ADAMTSL1: variants seen among roughly 807,000 people sequenced by gnomAD.
ADAMTSL1 encodes the protein ADAMTS-like protein 1.
In ADAMTSL1, 126 loss-of-function variants were observed where a neutral mutation model predicts 201.8. That is an observed-to-expected ratio of 0.62 (90% CI 0.54 to 0.72). The LOEUF is 0.72. Among genes scored for constraint, ADAMTSL1 ranks in the 30% least tolerant of loss-of-function variants. The pLI is 0.00. For missense variants in ADAMTSL1, 2,679 were observed against 2,277.8 expected (o/e 1.18, Z -3.59); for synonymous variants, 1,121 against 903.4 (o/e 1.24, Z -4.32).
chr9:18,071,026 A>T (rs746858418), intron 1 of ADAMTSL1, among the ~76,000 whole-genome samples: 3 of 152,192 alleles, frequency 2.0e-5, no homozygotes, highest in Non-Finnish European at 2.9e-5. Context: ...AAAGCAAGAA[A>T]AAACAGGGAG....
At chr9:18,586,707 T>G (rs1209254082) in intron 4 of ADAMTSL1, among the ~76,000 whole-genome samples, 1 of 152,160 alleles carries the variant, frequency 6.6e-6, no homozygotes, top group Non-Finnish European at 1.5e-5. Context: ...AGTACAGGAC[T>G]ACAGTGACCA....
intron 10 of ADAMTSL1, among the ~76,000 whole-genome samples, chr9:18,676,928 T>A (rs1367949078): frequency 6.6e-6 from 1 of 152,086 alleles, no homozygotes; most frequent in Non-Finnish European, 1.5e-5. Flanking sequence ...CATTGATGCT[T>A]CATTCTCCCA....
At position 18,023,413 on chromosome 9, in the gene ADAMTSL1, T is replaced by G. The variant is rs867609901; in HGVS notation, c.87+116491T>G. ...GTGGCAATTTATTTGTTAATGTTTT[T>G]TATTTGTGGAAAAGCTAAAGAAAAA... On this transcript the variant is annotated intron_variant, in intron 1 of 29. Coordinates refer to the ADAMTSL1 transcript ENST00000680146. Among the ~76,000 whole-genome samples, 8 of 152,298 alleles carry G rather than the reference T, an allele frequency of 5.3e-5. 1 individual carries two copies. The South Asian group carries it at 1.7e-3, about 32-fold the overall frequency.
At chr9:18,741,329 G>T (rs1399032336) in intron 15 of ADAMTSL1, among the ~76,000 whole-genome samples, 1 of 151,894 alleles carries the variant, frequency 6.6e-6, no homozygotes, top group Non-Finnish European at 1.5e-5. Context: ...GAATAGATGG[G>T]TAGAATTAAA....
chr9:18,387,928 T>A (rs1837871084), intron 2 of ADAMTSL1, among the ~76,000 whole-genome samples: 1 of 151,904 alleles, frequency 6.6e-6, no homozygotes, highest in African/African-American at 2.4e-5. Flanking sequence ...AAATTTTGCC[T>A]TCTGTATTTT....
Position 18,777,010 on chromosome 9 carries a change from C to G in ADAMTSL1, c.2781C>G (p.Ala927=), listed in dbSNP as rs1419604061. Residue 927 remains alanine (A), a synonymous_variant, in exon 19 of 29, where the codon GCC becomes GCG. Coordinates refer to ENST00000380548, the MANE Select transcript of ADAMTSL1 (RefSeq NM_001040272.6). ...TCAGCTCGACGCACGTCACGGTGGC[C>G]CCCTTCGGCTATCTCAAGATCCACC... is the stretch of plus-strand genomic sequence containing the variant. ...HLISSTHVTV[A]PFGYLKIHRL... 2 of 1,605,108 alleles carry G rather than the reference C, an allele frequency of 1.2e-6. No homozygotes were observed. Among genetic ancestry groups the G allele is most frequent in the Admixed American group, 3.4e-5 (2 of 59,430 alleles).
chr9:17,980,312 C>A (rs1332269840), intron 1 of ADAMTSL1, among the ~76,000 whole-genome samples: 1 of 152,108 alleles, frequency 6.6e-6, no homozygotes, highest in Non-Finnish European at 1.5e-5. Flanking sequence ...ATCTTGCTGA[C>A]ATTACCCCCC....
rs576727653 is a variant in ADAMTSL1, at chr9:18,552,543, T to C, written c.237+19251T>C. ...TTTCCTGCTCTGGAGTGTAAATTTC[T>C]ATATGAGTATATCAAATGTTTTGAA... On this transcript the variant is annotated intron_variant, in intron 3 of 28. Transcript: ENST00000380548. Among the ~76,000 whole-genome samples the C allele has an allele frequency of 7.9e-5, 12 of 151,952 alleles. No individual in the cohort carries two copies. The South Asian group carries it at 8.3e-4, about 10-fold the overall frequency.
At chr9:18,595,412 GC>G (rs201581990) in intron 4 of ADAMTSL1, among the ~76,000 whole-genome samples, 2 of 152,254 alleles carry the variant, frequency 1.3e-5, no homozygotes, top group East Asian at 3.9e-4. Context: ...CTGAGACTGG[GC>G]CCCCTTGAGA....
chr9:18,906,057 C>G (rs973011541), intron 27 of ADAMTSL1, among the ~76,000 whole-genome samples, 166 bp downstream of exon 27: 1 of 152,220 alleles, frequency 6.6e-6, no homozygotes, highest in Non-Finnish European at 1.5e-5. Context: ...AGGCAGATGA[C>G]TCAGTGTCGG....
intron 2 of ADAMTSL1, among the ~76,000 whole-genome samples, chr9:18,276,693 G>A (rs565555288): frequency 1.3e-5 from 2 of 152,208 alleles, no homozygotes; most frequent in Admixed American, 6.5e-5. Flanking sequence ...AGGAGGTGGT[G>A]TATATCACAT....
At chr9:18,483,695 C>T (rs1366148852) in intron 1 of ADAMTSL1, among the ~76,000 whole-genome samples, 2 of 152,036 alleles carry the variant, frequency 1.3e-5, no homozygotes, top group African/African-American at 4.8e-5. Flanking sequence ...GGCATGGTGG[C>T]GGGTGCCTGT....
intron 2 of ADAMTSL1, among the ~76,000 whole-genome samples, chr9:18,207,763 G>T (rs1024268882): frequency 1.3e-5 from 2 of 151,804 alleles, no homozygotes; most frequent in Admixed American, 1.3e-4. Flanking sequence ...TTATGTATTT[G>T]TATAAGCGGG....
intron 1 of ADAMTSL1, among the ~76,000 whole-genome samples, chr9:18,027,944 G>A (rs757437636): frequency 2.6e-5 from 4 of 152,038 alleles, no homozygotes; most frequent in Non-Finnish European, 5.9e-5. Context: ...TTGTTGAATT[G>A]AACCATTTAT....
At chr9:18,045,965 C>A (rs1389410699) in intron 1 of ADAMTSL1, among the ~76,000 whole-genome samples, 1 of 152,034 alleles carries the variant, frequency 6.6e-6, no homozygotes, top group Non-Finnish European at 1.5e-5. Context: ...TTGAAGAAGC[C>A]GTTTGTAATT....
chr9:18,171,181 T>C (rs1486116029), intron 2 of ADAMTSL1, among the ~76,000 whole-genome samples: 1 of 151,986 alleles, frequency 6.6e-6, no homozygotes, highest in Non-Finnish European at 1.5e-5. Context: ...TAGAACAACA[T>C]AGATAACTAA....
intron 2 of ADAMTSL1, among the ~76,000 whole-genome samples, chr9:18,217,137 C>T (rs1830084124): frequency 6.6e-6 from 1 of 152,192 alleles, no homozygotes; most frequent in African/African-American, 2.4e-5. Flanking sequence ...GTTACTTTAT[C>T]TCTCTAGAGA....
intron 14 of ADAMTSL1, among the ~76,000 whole-genome samples, chr9:18,716,040 A>G (rs1326975573): frequency 2.7e-5 from 4 of 150,330 alleles, no homozygotes; most frequent in African/African-American, 9.7e-5. Flanking sequence ...CCATATGTAG[A>G]AAGCTGAAAC....
Position 18,770,679 on chromosome 9 carries a change from G to A in ADAMTSL1, c.2295G>A (p.Leu765=). Residue 765 remains leucine (L), a synonymous_variant, in exon 17 of 29, where the codon CTG becomes CTA. Transcript: ENST00000380548. ...AGCGCATGGCTGATGGCAGCTTCCT[G>A]GAGCTTCCTGAGACCTTCTGTTCAG... The part of the protein sequence containing the change: ...CKQRMADGSF[L]ELPETFCSAS... The A allele has an allele frequency of 6.2e-7, 1 of 1,613,734 alleles. No homozygotes were observed. The highest frequency in any genetic ancestry group is 8.5e-7 in the Non-Finnish European group (1 of 1,179,832).
Sources: gnomAD v4.1 joint callset for allele counts (sites outside exome capture counted in the v4.1 genomes callset) on GRCh38, gnomAD v4.1.1 for gene constraint, MANE v1.5 for transcripts, NCBI Gene and HGNC (gene_info 2026-07-23, HGNC 2026-07-21) for gene names.